Variants in ITGAE observed in about 807,000 individuals in gnomAD.
ITGAE encodes the protein integrin subunit alpha E, also known as integrin alpha-E.
Under a neutral mutation model 136.5 loss-of-function variants are expected in ITGAE, and 99 were observed. The observed-to-expected ratio is 0.73, with a 90% CI of 0.62 to 0.86. ITGAE has a LOEUF of 0.86. ITGAE is among the 40% of genes least tolerant of loss of function. The pLI, the probability that ITGAE is intolerant of heterozygous loss-of-function variation, is 0.00. For missense variants in ITGAE, 1,447 were observed against 1,515.3 expected (o/e 0.95, Z 0.75); for synonymous variants, 613 against 591.8 (o/e 1.04, Z -0.52).
intron 15 of ITGAE, 97 bp downstream of exon 15, chr17:3,751,553 C>T (rs2051867429): frequency 8.9e-7 from 1 of 1,123,152 alleles, no homozygotes; most frequent in Admixed American, 1.8e-5. Flanking sequence ...GAGACCTGCC[C>T]AGCACTTAGG....
At chr17:3,738,615 G>A (rs2051514581) in intron 20 of ITGAE, among the ~76,000 whole-genome samples, 1 of 152,240 alleles carries the variant, frequency 6.6e-6, no homozygotes, top group Non-Finnish European at 1.5e-5. Flanking sequence ...ACCAGCCACA[G>A]GCGGCCACTG....
rs554192590 is a variant in ITGAE, at chr17:3,794,986, G to T, written c.34+6125C>A. ...TCCTGCCTCCAGGCCTCGACACAGC[G>T]GCTCCCTCCACCCAGCAGGCCTGCT... On this transcript the variant is annotated intron_variant, in intron 1 of 30. Transcript: ENST00000263087. Among the ~76,000 whole-genome samples the T allele has an allele frequency of 4.7e-4, 72 of 152,208 alleles. No individual in the cohort carries two copies. In the Middle Eastern group the frequency reaches 0.02, roughly 43 times the overall value.
At chr17:3,732,745 C>T (rs145323619) in intron 21 of ITGAE, among the ~76,000 whole-genome samples, 37 of 152,224 alleles carry the variant, frequency 2.4e-4, no homozygotes, top group African/African-American at 8.7e-4. Flanking sequence ...AATTCCAACT[C>T]GGAGGAATTC....
rs567373265 is a variant in ITGAE, at chr17:3,794,138, C to T, written c.34+6973G>A. 1.1e-4 allele frequency among the ~76,000 whole-genome samples: 17 copies of T among 152,160 alleles called. No individual in the cohort carries two copies. In the East Asian group the frequency reaches 2.9e-3, roughly 26 times the overall value. On this transcript the variant is annotated intron_variant, in intron 1 of 30. Transcript: ENST00000263087. ...GGATTACAGGCACCTGCCACCACAC[C>T]GGACTAATTTTTGTATTTTTAGTAG... is the stretch of plus-strand genomic sequence containing the variant.
At chr17:3,793,837 C>CA (rs1389363228) in intron 1 of ITGAE, among the ~76,000 whole-genome samples, 8 of 151,410 alleles carry the variant, frequency 5.3e-5, no homozygotes, top group Admixed American at 5.3e-4. Context: ...TGAGCCACTG[C>CA]ACCTGGCCCC....
rs1178373871 is a variant in ITGAE at position 3,751,663 on chromosome 17, G to A, written c.1880C>T (p.Ala627Val). ...CCCATGGGTCACCTGCGAGGGGCTGGCGGAGAGGCCGTCCCAGTGTCCATT... is the reference window on the plus strand; with the variant it reads ...CCCATGGGTCACCTGCGAGGGGCTGACGGAGAGGCCGTCCCAGTGTCCATT... Reference protein sequence around the residue: ...IYNGHWDGLSASPSQRIRAST... With the variant: ...IYNGHWDGLSVSPSQRIRAST... Residue 627 changes from alanine to valine, a missense_variant, in exon 15 of 31, where the codon GCC becomes GTC. Physicochemically the swap from Ala to Val is moderately conservative, Grantham distance 64. Coordinates refer to ENST00000263087, the MANE Select transcript of ITGAE (RefSeq NM_002208.5). The A allele has an allele frequency of 6.2e-7, 1 of 1,613,844 alleles. No homozygotes were observed. The highest frequency in any genetic ancestry group is 1.3e-5 in the African/African-American group (1 of 74,976).
chr17:3,777,057 T>A (rs1361719639), intron 2 of ITGAE, among the ~76,000 whole-genome samples: 1 of 148,722 alleles, frequency 6.7e-6, no homozygotes, highest in Non-Finnish European at 1.5e-5. Flanking sequence ...GCCTCCCGGG[T>A]TCACGCCATT....
At chr17:3,801,072 G>A (rs747627597) in intron 1 of ITGAE, 39 bp downstream of exon 1, 3 of 1,610,658 alleles carry the variant, frequency 1.9e-6, no homozygotes, top group East Asian at 4.5e-5. Flanking sequence ...GGAGCTGAGG[G>A]CACAGCAGCC....
intron 26 of ITGAE, chr17:3,724,353 A>C (rs2143008073): frequency 6.3e-7 from 1 of 1,599,690 alleles, no homozygotes; most frequent in African/African-American, 1.3e-5. Flanking sequence ...GCCCTTCCCC[A>C]GCCGCGACTC....
rs185916867 is a variant in ITGAE, at chr17:3,758,017, G to A, written c.867-158C>T. 4.4e-3 allele frequency among the ~76,000 whole-genome samples: 669 copies of A among 152,224 alleles called. 8 individuals are homozygous for A. The highest frequency in any genetic ancestry group is 0.015 in the African/African-American group (631 of 41,524). On this transcript the variant is annotated intron_variant, in intron 8 of 30. Coordinates refer to ENST00000263087, the MANE Select transcript of ITGAE (RefSeq NM_002208.5). The stretch of plus-strand genomic sequence containing the variant: ...GTGATGCCCCCTTAAGTCACGCAGC[G>A]AGGCTGGGCAGAGGGAGGGCTGCAA...
rs150168229 is a variant in ITGAE at position 3,747,279 on chromosome 17, G to A, written c.2155+643C>T. On this transcript the variant is annotated intron_variant, in intron 17 of 30. Transcript: ENST00000263087. ...GTGTCTCAGAAGCCCCCGCACACAC[G>A]CACACACGTGGGCATGGAGAAATGG... 3.8e-3 allele frequency among the ~76,000 whole-genome samples: 571 copies of A among 152,224 alleles called. 6 individuals carry two copies. Among genetic ancestry groups the A allele is most frequent in the African/African-American group, 0.013 (549 of 41,554 alleles).
chr17:3,735,465 C>T (rs2051440421), intron 20 of ITGAE, among the ~76,000 whole-genome samples: 1 of 152,148 alleles, frequency 6.6e-6, no homozygotes, highest in Admixed American at 6.6e-5. Flanking sequence ...CCCAGCCTGG[C>T]CAATGTGCAG....
At chr17:3,770,762 C>CTCCCTGA (rs2052401896) in intron 2 of ITGAE, among the ~76,000 whole-genome samples, 2 of 152,178 alleles carry the variant, frequency 1.3e-5, no homozygotes, top group African/African-American at 4.8e-5. Context: ...GGGAGCCCCG[C>CTCCCTGA]TGGGCCCTCC....
At chr17:3,794,670 C>T (rs6502747) in intron 1 of ITGAE, among the ~76,000 whole-genome samples, 127,439 of 151,946 alleles carry the variant, frequency 0.84, 54,277 homozygotes, top group African/African-American at 0.95. Context: ...AGATAAAGGA[C>T]GCCCAGTAGG....
intron 17 of ITGAE, among the ~76,000 whole-genome samples, chr17:3,746,682 T>G (rs2143016976): frequency 6.6e-6 from 1 of 152,202 alleles, no homozygotes; most frequent in South Asian, 2.1e-4. Context: ...ATGGTCTCGA[T>G]CTCCTGACCT....
In ITGAE at chr17:3,714,930, T is replaced by TA. The variant is rs1397124753; in HGVS notation, c.3456dup (p.Lys1153Ter). The TA allele has an allele frequency of 4.4e-6, 7 of 1,601,206 alleles. No individual in the cohort carries two copies. Among genetic ancestry groups the TA allele is most frequent in the Non-Finnish European group, 6.0e-6 (7 of 1,172,922 alleles). ...AAGTTCAGTTGTTGATATTTTCTTT[T>TA]AAAAAAGCCACACTGAAACAAAGGA... On this transcript the variant is annotated frameshift_variant, in exon 31 of 31. Coordinates refer to ENST00000263087, the MANE Select transcript of ITGAE (RefSeq NM_002208.5). LOFTEE classifies it high-confidence loss of function.
chr17:3,730,512 T>C (rs1473028378), intron 23 of ITGAE: 3 of 151,952 alleles, frequency 2.0e-5, no homozygotes, highest in Non-Finnish European at 4.4e-5. Flanking sequence ...CAGAATTGTC[T>C]CTAGAAGACC....
chr17:3,783,930 G>C (rs1370462350), intron 1 of ITGAE, among the ~76,000 whole-genome samples: 5 of 152,242 alleles, frequency 3.3e-5, no homozygotes, highest in African/African-American at 1.2e-4. Flanking sequence ...GAAAGTGGGA[G>C]ACTTTAACAC....
intron 19 of ITGAE, 129 bp downstream of exon 19, chr17:3,743,360 G>T (rs565203278): frequency 1.9e-6 from 2 of 1,065,084 alleles, no homozygotes; most frequent in Non-Finnish European, 2.7e-6. Context: ...CCATGAGTAC[G>T]GTGAGGGGCC....
Sources: allele counts gnomAD v4.1 joint callset (sites outside exome capture counted in the v4.1 genomes callset), GRCh38; gene constraint gnomAD v4.1.1; transcripts MANE v1.5; gene names NCBI Gene and HGNC (gene_info 2026-07-23, HGNC 2026-07-21).